Variants in JCAD observed in about 807,000 individuals in gnomAD.
JCAD encodes the protein junctional cadherin 5 associated, also known as junctional cadherin 5-associated protein.
In JCAD, 40 loss-of-function variants were observed where a neutral mutation model predicts 98.0. The observed-to-expected ratio is 0.41, with a 90% CI of 0.32 to 0.53. The LOEUF (loss-of-function observed/expected upper bound fraction) is 0.53, where lower values mean the gene tolerates loss of function less well. Ranked by LOEUF, JCAD falls within the 20% of genes least tolerant of loss-of-function variation. The pLI, the probability that JCAD is intolerant of heterozygous loss-of-function variation, is 0.31. For missense variants in JCAD, 1,705 were observed against 1,738.1 expected (o/e 0.98, Z 0.34); for synonymous variants, 691 against 682.3 (o/e 1.01, Z -0.20).
At position 30,026,119 on chromosome 10, in the gene JCAD, T is replaced by G. The variant is rs1202589859; in HGVS notation, c.4029A>C (p.Gln1343His). 1.3e-5 allele frequency: 21 copies of G among 1,614,234 alleles called. No homozygotes were observed. The highest frequency in any genetic ancestry group is 1.6e-5 in the Non-Finnish European group (19 of 1,180,042). Residue 1343 changes from glutamine (Q) to histidine (H), a missense_variant, in exon 3 of 4, where the codon CAA (glutamine) becomes CAC (histidine). This residue lies in a region of JCAD where 1,278 missense variants were observed against 1,243.1 expected (regional missense o/e 1.03). Transcript: ENST00000375377. ...ATTCCTCACCTGGGCACCAGAAGTC[T>G]TGATCCATGCTCTTCTCCTTTTGTG... ...PAAQKEKSMD[Q>H]DFWCPDSYDP...
Position 30,097,741 on chromosome 10 carries a change from C to T in JCAD, n.128+17626G>A, listed in dbSNP as rs553856440. The stretch of plus-strand genomic sequence containing the variant: ...TTGCCCCACTGCACTCCAGCCTGGG[C>T]GACAGATGGAAACTCCGTCTCAAAA... On this transcript the variant is annotated intron_variant and non_coding_transcript_variant, in intron 1 of 2. Coordinates refer to the JCAD transcript ENST00000465712. Among the ~76,000 whole-genome samples the T allele has an allele frequency of 4.3e-4, 65 of 151,714 alleles. No individual in the cohort carries two copies. In the South Asian group the frequency reaches 0.011, roughly 26 times the overall value.
At position 30,092,034 on chromosome 10, in the gene JCAD, CAAAAAAAAAAA is replaced by C. The variant is rs1198107053; in HGVS notation, n.129-22224_129-22214del. Among the ~76,000 whole-genome samples the C allele has an allele frequency of 6.0e-3, 212 of 35,336 alleles. 3 individuals carry two copies. The highest frequency in any genetic ancestry group is 0.021 in the African/African-American group (151 of 7,140). 23.2% of individuals were successfully genotyped at this position (35,336 alleles called of 152,430 possible). A position where few individuals can be genotyped will look rare whatever the true frequency, so the allele number is the denominator to read the frequency against. ...CAGAGCGAGACTCCATCCCCCACCA[CAAAAAAAAAAA>C]AAAAAAAAAAAAAAAAAAAATATAT... On this transcript the variant is annotated intron_variant and non_coding_transcript_variant, in intron 1 of 2. Coordinates refer to the JCAD transcript ENST00000465712.
intron 1 of JCAD, among the ~76,000 whole-genome samples, chr10:30,113,719 C>A (rs1181827797): frequency 6.6e-6 from 1 of 152,036 alleles, no homozygotes; most frequent in Non-Finnish European, 1.5e-5. Context: ...TTCCTTTTTA[C>A]CTCTCATCAG....
At chr10:30,080,099 T>A (rs951526442) in intron 1 of JCAD, among the ~76,000 whole-genome samples, 1 of 152,188 alleles carries the variant, frequency 6.6e-6, no homozygotes, top group Admixed American at 6.5e-5. Flanking sequence ...GACTCAATTC[T>A]CTTCCTGTCC....
chr10:30,107,268 C>G (rs1431836933), intron 1 of JCAD, among the ~76,000 whole-genome samples: 1 of 152,174 alleles, frequency 6.6e-6, no homozygotes, highest in Non-Finnish European at 1.5e-5. Flanking sequence ...GTCACAAAGA[C>G]CTTGCTGATA....
rs1836769275 is a variant in JCAD at position 30,025,488 on chromosome 10, A to G, written c.4045+615T>C. Among the ~76,000 whole-genome samples the G allele has an allele frequency of 2.2e-5, 3 of 137,842 alleles. 1 individual carries two copies. In the South Asian group the frequency reaches 7.7e-4, roughly 35 times the overall value. The allele number at this position is 137,842 out of a possible 152,430, so 90.4% of individuals were successfully genotyped here. On this transcript the variant is annotated intron_variant, in intron 3 of 3. Transcript: ENST00000375377. ...AGCCGAGATCGTGCCACTGTACTCC[A>G]GCCTGGGGAACAGAGTGAGACTCTG...
intron 1 of JCAD, among the ~76,000 whole-genome samples, chr10:30,114,852 T>TAGATAGAC (rs1279419899): frequency 6.6e-6 from 1 of 151,426 alleles, no homozygotes; most frequent in African/African-American, 2.4e-5. Flanking sequence ...GATAGATAGA[T>TAGATAGAC]AGATGATAGA....
chr10:30,096,927 A>T (rs1798413192), intron 1 of JCAD, among the ~76,000 whole-genome samples: 1 of 152,234 alleles, frequency 6.6e-6, no homozygotes, highest in South Asian at 2.1e-4. Context: ...CAGTAATTAT[A>T]ACAATTCTGA....
At chr10:30,068,484 T>A (rs1462214563) in intron 2 of JCAD, among the ~76,000 whole-genome samples, 1 of 146,498 alleles carries the variant, frequency 6.8e-6, no homozygotes, top group African/African-American at 2.5e-5. Context: ...CAAACTCCCA[T>A]CACACATGGA....
chr10:30,034,391 T>C (rs1342999650), intron 2 of JCAD, among the ~76,000 whole-genome samples: 4 of 152,192 alleles, frequency 2.6e-5, no homozygotes, highest in Non-Finnish European at 2.9e-5. Flanking sequence ...CTGAGCAGCC[T>C]CAATGCTTCT....
At chr10:30,102,831 G>A (rs1219948501) in intron 1 of JCAD, among the ~76,000 whole-genome samples, 3 of 151,412 alleles carry the variant, frequency 2.0e-5, no homozygotes, top group Admixed American at 2.0e-4. Flanking sequence ...TCATAATCGT[G>A]GCAGAAGGCA....
chr10:30,051,717 G>A (rs140954132), intron 1 of JCAD, among the ~76,000 whole-genome samples: 4 of 152,272 alleles, frequency 2.6e-5, no homozygotes, highest in East Asian at 1.9e-4. Flanking sequence ...TGGATAGAGC[G>A]AGAACAGATG....
intron 2 of JCAD, among the ~76,000 whole-genome samples, chr10:30,034,445 CACCGG>C (rs552179412): frequency 1.1e-4 from 17 of 152,292 alleles, no homozygotes; most frequent in Admixed American, 4.6e-4. Flanking sequence ...ACTGTCTTAA[CACCGG>C]GCACGGTAGG....
rs533081872 is a variant in JCAD, at chr10:30,082,445, G to A, written n.129-12624C>T. On this transcript the variant is annotated intron_variant and non_coding_transcript_variant, in intron 1 of 2. Transcript: ENST00000465712. ...TTTTAAAAGATGATATGGGCCGGGC[G>A]CAGTTGCTCACACCTATAATCCCAG... Among the ~76,000 whole-genome samples, 137 of 152,220 alleles carry A rather than the reference G, an allele frequency of 9.0e-4. 1 individual carries two copies. Among genetic ancestry groups the A allele is most frequent in the Non-Finnish European group, 1.6e-3 (107 of 68,034 alleles).
At chr10:30,046,176 T>C (rs1330681567) in intron 2 of JCAD, among the ~76,000 whole-genome samples, 1 of 152,164 alleles carries the variant, frequency 6.6e-6, no homozygotes, top group Non-Finnish European at 1.5e-5. Flanking sequence ...AATCTGTGCC[T>C]GGTCCCAGTG....
At chr10:30,077,692 G>A (rs1225139184) in intron 1 of JCAD, among the ~76,000 whole-genome samples, 2 of 152,112 alleles carry the variant, frequency 1.3e-5, no homozygotes, top group Non-Finnish European at 2.9e-5. Context: ...CTCATTTTAT[G>A]TCTGGCTTAT....
chr10:30,063,687 G>A (rs914501324), upstream of JCAD, among the ~76,000 whole-genome samples: 5 of 152,162 alleles, frequency 3.3e-5, 1 homozygote, highest in South Asian at 4.1e-4. Flanking sequence ...TTTGATGCTT[G>A]TATACATTCT....
intron 1 of JCAD, among the ~76,000 whole-genome samples, chr10:30,103,412 C>T (rs1279228700): frequency 6.6e-6 from 1 of 151,966 alleles, no homozygotes; most frequent in African/African-American, 2.4e-5. Context: ...TGTTCTTTTG[C>T]CATAATATTT....
At chr10:30,051,346 C>A (rs1213283441) in intron 1 of JCAD, among the ~76,000 whole-genome samples, 1 of 151,642 alleles carries the variant, frequency 6.6e-6, no homozygotes, top group African/African-American at 2.4e-5. Flanking sequence ...GTCTTGATGG[C>A]AACGCTGGTG....
Sources: allele counts gnomAD v4.1 joint callset (sites outside exome capture counted in the v4.1 genomes callset), GRCh38; gene constraint gnomAD v4.1.1; regional missense constraint gnomAD v4.1.1; transcripts MANE v1.5; gene names NCBI Gene and HGNC (gene_info 2026-07-23, HGNC 2026-07-21).